Variants in DLG2 observed in about 807,000 individuals in gnomAD.
The protein encoded by DLG2 is discs large MAGUK scaffold protein 2.
In DLG2, 45 loss-of-function variants were observed where a neutral mutation model predicts 132.5. That is an observed-to-expected ratio of 0.34 (90% confidence interval 0.27 to 0.44). DLG2 has a LOEUF of 0.44. DLG2 is among the 20% of genes least tolerant of loss of function. The probability of loss-of-function intolerance (pLI) is 1.00; values close to 1 mark genes in which losing one functional copy is unlikely to be tolerated. For synonymous variants in DLG2, 424 were observed against 419.6 expected, an observed-to-expected ratio of 1.01 and a Z score of -0.13; for missense variants, 1,045 against 1,196.9, an observed-to-expected ratio of 0.87 and a Z score of 1.87.
chr11:84,608,074 T>C (rs566885982), intron 6 of DLG2, among the ~76,000 whole-genome samples: 127 of 152,252 alleles, frequency 8.3e-4, no homozygotes, highest in Non-Finnish European at 1.5e-3. Flanking sequence ...GACAATTCCT[T>C]ATAAGCATCT....
chr11:83,513,318 A>T (rs1294371434), intron 21 of DLG2, among the ~76,000 whole-genome samples: 2 of 152,178 alleles, frequency 1.3e-5, no homozygotes, highest in African/African-American at 4.8e-5. Context: ...TGGTAGCATA[A>T]ATGTCTTCTT....
At chr11:85,550,820 C>T (rs1565673694) in intron 3 of DLG2, among the ~76,000 whole-genome samples, 3 of 152,166 alleles carry the variant, frequency 2.0e-5, no homozygotes, top group Non-Finnish European at 2.9e-5. Context: ...ACTAAGAATA[C>T]TTTTTCTAGA....
intron 11 of DLG2, among the ~76,000 whole-genome samples, chr11:84,022,903 A>G (rs1378909038): frequency 1.3e-5 from 2 of 152,174 alleles, no homozygotes; most frequent in African/African-American, 4.8e-5. Flanking sequence ...CCAGGATTCA[A>G]GGAGGGGAAA....
chr11:85,247,588 T>C (rs1433378370), intron 4 of DLG2, among the ~76,000 whole-genome samples: 1 of 152,060 alleles, frequency 6.6e-6, no homozygotes, highest in Non-Finnish European at 1.5e-5. Flanking sequence ...TCAATTTTCT[T>C]GTTGCTAGTC....
intron 6 of DLG2, among the ~76,000 whole-genome samples, chr11:84,646,367 T>C (rs1349395845): frequency 2.0e-5 from 3 of 152,342 alleles, no homozygotes; most frequent in Non-Finnish European, 4.4e-5. Context: ...AAATAAAAGA[T>C]GCCAGTTGTT....
At chr11:85,370,658 T>A (rs890673847) in intron 3 of DLG2, among the ~76,000 whole-genome samples, 14 of 152,302 alleles carry the variant, frequency 9.2e-5, no homozygotes, top group African/African-American at 2.9e-4. Context: ...TAATATCAAG[T>A]ATTTTACACC....
intron 17 of DLG2, among the ~76,000 whole-genome samples, chr11:83,830,627 C>T (rs773854432): frequency 1.7e-4 from 26 of 152,300 alleles, no homozygotes; most frequent in African/African-American, 5.8e-4. Context: ...GCACACAGTG[C>T]GGTGTGCACC....
intron 7 of DLG2, among the ~76,000 whole-genome samples, chr11:84,512,656 A>G (rs1179712888): frequency 6.6e-6 from 1 of 152,144 alleles, no homozygotes; most frequent in African/African-American, 2.4e-5. Flanking sequence ...AAGGAGTTTC[A>G]ATACAGCTAC....
chr11:84,780,297 G>C (rs1198342790), intron 6 of DLG2, among the ~76,000 whole-genome samples: 2 of 151,446 alleles, frequency 1.3e-5, no homozygotes, highest in Non-Finnish European at 2.9e-5. Context: ...CATCTCAATA[G>C]ACAAAGAAAA....
At chr11:83,860,366 C>T (rs1029282724) in intron 16 of DLG2, among the ~76,000 whole-genome samples, 1 of 152,170 alleles carries the variant, frequency 6.6e-6, no homozygotes, top group South Asian at 2.1e-4. Context: ...CCATGGGAAC[C>T]CACCTCTTAC....
rs1565435339 is a variant in DLG2, at chr11:83,872,777, C to G, written c.1565+1643G>C. 2.6e-5 allele frequency among the ~76,000 whole-genome samples: 4 copies of G among 152,180 alleles called. No individual in the cohort carries two copies. The South Asian group carries it at 8.3e-4, about 31-fold the overall frequency. On this transcript the variant is annotated intron_variant, in intron 16 of 27. Coordinates refer to ENST00000376104, the MANE Select transcript of DLG2 (RefSeq NM_001142699.3). Reference sequence around the variant, plus strand: ...ATAGTTGAAGGAAGTCTACTTTGTGCTGATGGCCAAAATGTGAAATGATAG... The same window carrying G: ...ATAGTTGAAGGAAGTCTACTTTGTGGTGATGGCCAAAATGTGAAATGATAG...
intron 3 of DLG2, among the ~76,000 whole-genome samples, chr11:85,293,537 C>CT (rs1279097869): frequency 6.6e-6 from 1 of 152,254 alleles, no homozygotes; most frequent in East Asian, 1.9e-4. Flanking sequence ...TAAGTTGAAT[C>CT]TAATCATAAG....
At chr11:83,642,328 A>AATAACAC (rs2066814528) in intron 18 of DLG2, among the ~76,000 whole-genome samples, 1 of 152,192 alleles carries the variant, frequency 6.6e-6, no homozygotes, top group Admixed American at 6.5e-5. Flanking sequence ...AATAATTTTT[A>AATAACAC]ATAACACACT....
chr11:85,531,254 G>C (rs2075188393), intron 3 of DLG2, among the ~76,000 whole-genome samples: 3 of 152,266 alleles, frequency 2.0e-5, no homozygotes, highest in Admixed American at 1.3e-4. Context: ...TCCTAAATAA[G>C]CTTGCTGTTG....
intron 6 of DLG2, among the ~76,000 whole-genome samples, chr11:84,983,401 C>G (rs542493603): frequency 3.3e-5 from 5 of 152,080 alleles, no homozygotes; most frequent in African/African-American, 1.2e-4. Flanking sequence ...GCAATCACTA[C>G]AGTTCGGCTC....
At position 84,047,666 on chromosome 11, in the gene DLG2, A is replaced by G. The variant is rs534590582; in HGVS notation, c.919+11649T>C. Reference sequence around the variant, plus strand: ...ATCTGAAATTTTCATTGTAAAAATAATTTTGACTTCAAAAATTTGTTCAAG... The same window carrying G: ...ATCTGAAATTTTCATTGTAAAAATAGTTTTGACTTCAAAAATTTGTTCAAG... On this transcript the variant is annotated intron_variant, in intron 11 of 27. Transcript: ENST00000376104. 1.7e-3 allele frequency among the ~76,000 whole-genome samples: 253 copies of G among 151,742 alleles called. 1 individual carries two copies. The highest frequency in any genetic ancestry group is 5.7e-3 in the African/African-American group (235 of 41,486).
At chr11:84,068,020 T>G (rs1040705710) in intron 10 of DLG2, among the ~76,000 whole-genome samples, 1 of 152,124 alleles carries the variant, frequency 6.6e-6, no homozygotes, top group Non-Finnish European at 1.5e-5. Context: ...CTTTTGGGAA[T>G]GTGGAATTGA....
chr11:84,141,991 T>G (rs2094869657), intron 9 of DLG2, among the ~76,000 whole-genome samples: 1 of 152,096 alleles, frequency 6.6e-6, no homozygotes. Context: ...ACTTTCCATC[T>G]TTCTAGCTCC....
chr11:85,091,831 C>T (rs2068834236), intron 6 of DLG2, among the ~76,000 whole-genome samples: 1 of 152,154 alleles, frequency 6.6e-6, no homozygotes, highest in Admixed American at 6.5e-5. Flanking sequence ...CAGTTACTTC[C>T]TCCACTAAAG....
Sources: gnomAD v4.1 joint callset for allele counts (sites outside exome capture counted in the v4.1 genomes callset) on GRCh38, gnomAD v4.1.1 for gene constraint, MANE v1.5 for transcripts, NCBI Gene and HGNC (gene_info 2026-07-23, HGNC 2026-07-21) for gene names.